ZNF469: variants seen among roughly 807,000 people sequenced by gnomAD.
ZNF469 encodes zinc finger protein 469.
Under a neutral mutation model 1.0 loss-of-function variants are expected in ZNF469, and 1 was observed. That is an observed-to-expected ratio of 1.00 (90% confidence interval 0.35 to 4.73). The LOEUF (loss-of-function observed/expected upper bound fraction) is 4.73, where lower values mean the gene tolerates loss of function less well. ZNF469 is among the 30% of genes most tolerant of loss of function. The pLI is 0.16. For missense variants in ZNF469, 6,100 were observed against 5,356.3 expected, an observed-to-expected ratio of 1.14 and a Z score of -4.33; for synonymous variants, 2,703 against 2,363.4, an observed-to-expected ratio of 1.14 and a Z score of -4.17.
chr16:88,367,819 A>T, the ZNF469 span, among the ~76,000 whole-genome samples: 1 of 152,222 alleles, frequency 6.6e-6, no homozygotes, highest in Admixed American at 6.5e-5. Context: ...CCACGAAGAG[A>T]CCAGCTTTCC....
intron 1 of ZNF469, among the ~76,000 whole-genome samples, chr16:88,386,384 G>C (rs971545928): frequency 2.0e-5 from 3 of 151,748 alleles, no homozygotes; most frequent in Non-Finnish European, 4.4e-5. Flanking sequence ...CCACCGTCCC[G>C]CCCCATCTCC....
chr16:88,395,198 G>A (rs1904619550), intron 1 of ZNF469, among the ~76,000 whole-genome samples: 1 of 151,932 alleles, frequency 6.6e-6, no homozygotes, highest in African/African-American at 2.4e-5. Context: ...TAGGTAGGTG[G>A]GTATGTGGAT....
chr16:88,293,453 T>TA, the ZNF469 span, among the ~76,000 whole-genome samples: 9 of 151,974 alleles, frequency 5.9e-5, no homozygotes, highest in Non-Finnish European at 1.2e-4. Flanking sequence ...GGTAAATGGA[T>TA]AGATAGGTGG....
At chr16:88,196,211 G>A in the ZNF469 span, among the ~76,000 whole-genome samples, 80 of 152,322 alleles carry the variant, frequency 5.3e-4, 1 homozygote, top group East Asian at 0.014. Context: ...TGGAGTACCT[G>A]TCGGGACAGC....
At chr16:88,409,041 A>G (rs534294042) in intron 1 of ZNF469, among the ~76,000 whole-genome samples, 1 of 152,140 alleles carries the variant, frequency 6.6e-6, no homozygotes, top group South Asian at 2.1e-4. Context: ...TGCAGGGGAG[A>G]TGGGGCTGGG....
the ZNF469 span, among the ~76,000 whole-genome samples, chr16:88,238,493 T>G: frequency 6.6e-6 from 1 of 152,172 alleles, no homozygotes; most frequent in African/African-American, 2.4e-5. Flanking sequence ...AGACCCCAGA[T>G]AGACTCTAGG....
the ZNF469 span, among the ~76,000 whole-genome samples, chr16:88,348,304 A>C: frequency 6.6e-6 from 1 of 151,980 alleles, no homozygotes; most frequent in Non-Finnish European, 1.5e-5. Context: ...CTGGCTTCAC[A>C]CTGCTGTCTC....
At chr16:88,204,142 C>T in the ZNF469 span, among the ~76,000 whole-genome samples, 2 of 151,632 alleles carry the variant, frequency 1.3e-5, no homozygotes, top group Non-Finnish European at 2.9e-5. Flanking sequence ...GCTCCGTAAC[C>T]CCATAGAGCA....
At chr16:88,352,475 TG>T in the ZNF469 span, among the ~76,000 whole-genome samples, 1 of 152,212 alleles carries the variant, frequency 6.6e-6, no homozygotes, top group South Asian at 2.1e-4. Context: ...AGCATGGTGC[TG>T]ACGGGCACGG....
At chr16:88,265,535 G>A in the ZNF469 span, among the ~76,000 whole-genome samples, 9 of 152,340 alleles carry the variant, frequency 5.9e-5, no homozygotes, top group African/African-American at 1.9e-4. Flanking sequence ...AGTATCCGGC[G>A]GGGCCGGGTG....
the ZNF469 span, among the ~76,000 whole-genome samples, chr16:88,370,398 C>T: frequency 6.6e-6 from 1 of 152,164 alleles, no homozygotes; most frequent in Admixed American, 6.5e-5. Flanking sequence ...AGCCATGACA[C>T]AGAGTTGCCA....
At chr16:88,334,146 C>A in the ZNF469 span, among the ~76,000 whole-genome samples, 1 of 152,056 alleles carries the variant, frequency 6.6e-6, no homozygotes, top group East Asian at 1.9e-4. Flanking sequence ...GGGAGGCAGG[C>A]GTGAAGCTAA....
At chr16:88,298,445 G>A in the ZNF469 span, among the ~76,000 whole-genome samples, 1 of 152,308 alleles carries the variant, frequency 6.6e-6, no homozygotes, top group East Asian at 1.9e-4. Flanking sequence ...GTTCAATCTG[G>A]GGCAAGGCTG....
the ZNF469 span, among the ~76,000 whole-genome samples, chr16:88,141,451 C>G: frequency 0.013 from 1,824 of 139,546 alleles, 83 homozygotes; most frequent in South Asian, 0.027. Context: ...CCGTCCTGGT[C>G]CCCGGAGCCT....
At chr16:88,226,615 C>T in the ZNF469 span, among the ~76,000 whole-genome samples, 5 of 152,108 alleles carry the variant, frequency 3.3e-5, no homozygotes, top group African/African-American at 4.8e-5. Context: ...TGCGGCCCTC[C>T]TTCTGGAAAG....
At chr16:88,200,575 C>T in the ZNF469 span, among the ~76,000 whole-genome samples, 2 of 152,248 alleles carry the variant, frequency 1.3e-5, no homozygotes, top group Non-Finnish European at 2.9e-5. Flanking sequence ...TCGGCCCTCA[C>T]CCTGCTCCGC....
chr16:88,328,224 T>G, the ZNF469 span, among the ~76,000 whole-genome samples: 9 of 152,372 alleles, frequency 5.9e-5, no homozygotes, highest in African/African-American at 2.2e-4. Flanking sequence ...ACTTCAGTCT[T>G]GGTGCTTTCT....
intron 1 of ZNF469, among the ~76,000 whole-genome samples, chr16:88,399,224 T>A (rs930745584): frequency 1.3e-5 from 2 of 152,124 alleles, no homozygotes; most frequent in Non-Finnish European, 2.9e-5. Flanking sequence ...CCTGGGCCCC[T>A]CCCTCCCCTC....
At chr16:88,242,328 T>G in the ZNF469 span, among the ~76,000 whole-genome samples, 168 of 152,304 alleles carry the variant, frequency 1.1e-3, no homozygotes, top group African/African-American at 4.0e-3. Context: ...AACAATGCAT[T>G]TCTGCACAGC....
Sources: allele counts gnomAD v4.1 joint callset (sites outside exome capture counted in the v4.1 genomes callset), GRCh38; gene constraint gnomAD v4.1.1; transcripts MANE v1.5; gene names NCBI Gene and HGNC (gene_info 2026-07-23, HGNC 2026-07-21).